Variants in STPG2 observed in about 807,000 individuals in gnomAD.
STPG2 encodes sperm tail PG-rich repeat containing 2, also known as sperm-tail PG-rich repeat-containing protein 2.
STPG2 carries 56 observed loss-of-function variants against 54.2 expected under a neutral mutation model. The ratio of observed to expected loss-of-function variants is 1.03; its 90% confidence interval spans 0.83 to 1.29. STPG2 has a LOEUF of 1.29. STPG2 is among the 50% of genes most tolerant of loss of function. The pLI, the probability that STPG2 is intolerant of heterozygous loss-of-function variation, is 0.00. For synonymous variants in STPG2, 200 were observed against 181.8 expected (o/e 1.10, Z -0.81); for missense variants, 596 against 544.9 (o/e 1.09, Z -0.93).
chr4:97,969,034 C>T (rs1450687483), intron 7 of STPG2, among the ~76,000 whole-genome samples: 1 of 152,104 alleles, frequency 6.6e-6, no homozygotes, highest in Non-Finnish European at 1.5e-5. Flanking sequence ...ATGAAGGGCG[C>T]CTGTTCATAT....
chr4:97,562,456 T>G (rs1162206192), intron 10 of STPG2, among the ~76,000 whole-genome samples: 3 of 152,190 alleles, frequency 2.0e-5, no homozygotes, highest in Admixed American at 2.0e-4. Context: ...CTAATTGCCC[T>G]GGCCAGAACT....
intron 6 of STPG2, among the ~76,000 whole-genome samples, chr4:97,980,155 A>G (rs1407190841): frequency 3.9e-5 from 6 of 152,154 alleles, no homozygotes; most frequent in African/African-American, 1.4e-4. Flanking sequence ...ACTGAACTCC[A>G]GCCTGGATGA....
intron 4 of STPG2, among the ~76,000 whole-genome samples, chr4:97,467,608 A>G (rs910599133): frequency 6.6e-6 from 1 of 152,002 alleles, no homozygotes; most frequent in Non-Finnish European, 1.5e-5. Flanking sequence ...AAAAGAAACC[A>G]GTCTGTTAAC....
Position 97,766,397 on chromosome 4 carries a change from G to T in STPG2, c.1205-53583C>A, listed in dbSNP as rs191235172. Among the ~76,000 whole-genome samples, 215 of 151,928 alleles carry T rather than the reference G, an allele frequency of 1.4e-3. 2 individuals are homozygous for T. The highest frequency in any genetic ancestry group is 2.6e-3 in the Admixed American group (40 of 15,262). ...ATTTAAACATTTAAAATAAAATAGGGTATAATAAATATAAAATTCCTTTTA... is the reference window on the plus strand; with the variant it reads ...ATTTAAACATTTAAAATAAAATAGGTTATAATAAATATAAAATTCCTTTTA... On this transcript the variant is annotated intron_variant, in intron 9 of 10. Transcript: ENST00000295268.
Position 98,106,065 on chromosome 4 carries a change from CT to C in STPG2, c.501-2del. ...ATTTTCATAATATGATGTCTTTTTC[CT>C]TCAGAAAATTCAAATAGAAATTAAG... On this transcript the variant is annotated splice_acceptor_variant, in intron 4 of 10. Coordinates refer to ENST00000295268, the MANE Select transcript of STPG2 (RefSeq NM_174952.3). LOFTEE classifies it high-confidence loss of function. 7.0e-7 allele frequency: 1 copy of C among 1,437,922 alleles called. No individual in the cohort carries two copies. Among genetic ancestry groups the C allele is most frequent in the Non-Finnish European group, 9.4e-7 (1 of 1,061,508 alleles). 89.1% of individuals were successfully genotyped at this position (1,437,922 alleles called of 1,614,324 possible). A position where few individuals can be genotyped will look rare whatever the true frequency, so the allele number is the denominator to read the frequency against.
rs1356316512 is a variant in STPG2, at chr4:97,787,524, T to C, written c.1204+53249A>G. 4.6e-5 allele frequency among the ~76,000 whole-genome samples: 7 copies of C among 152,168 alleles called. No homozygotes were observed. The East Asian group carries it at 1.4e-3, about 29-fold the overall frequency. Reference sequence around the variant, plus strand: ...CTTTTTATATTAAGCTAAATTCAACTTGATATTTTGTTAAAGATTTTGTGT... The same window carrying C: ...CTTTTTATATTAAGCTAAATTCAACCTGATATTTTGTTAAAGATTTTGTGT... On this transcript the variant is annotated intron_variant, in intron 9 of 10. Transcript: ENST00000295268.
chr4:97,975,104 G>A lies in STPG2; in HGVS notation c.773-2664C>T, dbSNP rs184810160. Among the ~76,000 whole-genome samples the A allele has an allele frequency of 2.9e-3, 445 of 152,230 alleles. 3 individuals carry two copies. Among genetic ancestry groups the A allele is most frequent in the African/African-American group, 9.8e-3 (408 of 41,542 alleles). ...ATTTAGAAAAGATAAAATCATAGCA[G>A]CAGAAACAGTTCCTAGGGCCAGAAG... On this transcript the variant is annotated intron_variant, in intron 6 of 10. Transcript: ENST00000295268.
At chr4:98,045,102 GAAAA>G (rs35130632) in intron 5 of STPG2, among the ~76,000 whole-genome samples, 1 of 144,302 alleles carries the variant, frequency 6.9e-6, no homozygotes, top group Non-Finnish European at 1.5e-5. Flanking sequence ...ACTTTAAAAG[GAAAA>G]AAAAAAAAGG....
chr4:97,933,001 C>G lies in STPG2; in HGVS notation c.1044+10896G>C, dbSNP rs541895378. Among the ~76,000 whole-genome samples, 21 of 152,324 alleles carry G rather than the reference C, an allele frequency of 1.4e-4. No individual in the cohort carries two copies. In the South Asian group the frequency reaches 4.3e-3, roughly 32 times the overall value. ...TCCCACCAACAGCATAAAAGTGTTC[C>G]TATTTCTCCACAGTCTTGCCAGCAT... On this transcript the variant is annotated intron_variant, in intron 8 of 10. Coordinates refer to ENST00000295268, the MANE Select transcript of STPG2 (RefSeq NM_174952.3).
intron 9 of STPG2, among the ~76,000 whole-genome samples, chr4:97,725,418 A>G (rs1724589506): frequency 6.6e-6 from 1 of 151,982 alleles, no homozygotes; most frequent in South Asian, 2.1e-4. Context: ...ACTGACCCTG[A>G]AGAAAAAAAA....
intron 10 of STPG2, among the ~76,000 whole-genome samples, chr4:97,594,998 G>A (rs927334180): frequency 6.6e-6 from 1 of 152,166 alleles, no homozygotes; most frequent in African/African-American, 2.4e-5. Flanking sequence ...TTACACTGTT[G>A]GTGGGACTGT....
At position 97,558,985 on chromosome 4, in the gene STPG2, A is replaced by G. The variant is rs1732149964; in HGVS notation, c.*73T>C. ...TTTATTACTCCTATATTTGGAATAAATTTTGTTAAAATGACAAAGAAATAA... is the reference window on the plus strand; with the variant it reads ...TTTATTACTCCTATATTTGGAATAAGTTTTGTTAAAATGACAAAGAAATAA... On this transcript the variant is annotated 3_prime_UTR_variant, in exon 11 of 11. Transcript: ENST00000295268. The G allele has an allele frequency of 7.9e-7, 1 of 1,269,138 alleles. No homozygotes were observed. Among genetic ancestry groups the G allele is most frequent in the Non-Finnish European group, 1.1e-6 (1 of 888,432 alleles). The allele number at this position is 1,269,138 out of a possible 1,614,324, so 78.6% of individuals were successfully genotyped here.
At chr4:97,636,839 G>A (rs2148940124) in intron 10 of STPG2, among the ~76,000 whole-genome samples, 1 of 151,936 alleles carries the variant, frequency 6.6e-6, no homozygotes, top group Middle Eastern at 3.4e-3. Flanking sequence ...CTGAAATTGT[G>A]GCAATAATCA....
chr4:97,716,321 C>CCAGCTG (rs1452497487), intron 9 of STPG2, among the ~76,000 whole-genome samples: 1 of 152,014 alleles, frequency 6.6e-6, no homozygotes, highest in Non-Finnish European at 1.5e-5. Context: ...CCAGAAATAC[C>CCAGCTG]ATTTGACCCA....
chr4:98,129,130 A>C (rs1323757199), intron 2 of STPG2, among the ~76,000 whole-genome samples: 1 of 152,200 alleles, frequency 6.6e-6, no homozygotes, highest in African/African-American at 2.4e-5. Context: ...TTAGAATAGA[A>C]TAGAATAGAT....
intron 9 of STPG2, among the ~76,000 whole-genome samples, chr4:97,778,384 G>C (rs1200280027): frequency 6.6e-6 from 1 of 152,198 alleles, no homozygotes; most frequent in Non-Finnish European, 1.5e-5. Flanking sequence ...GCGAGGCTGG[G>C]GGAGGGGCGT....
rs141384981 is a variant in STPG2 at position 97,801,893 on chromosome 4, A to G, written c.1204+38880T>C. The stretch of plus-strand genomic sequence containing the variant: ...TTTCAAACTTTAATAAAGGATTGGC[A>G]TAACAGGAATTACAATGTAACGTTA... On this transcript the variant is annotated intron_variant, in intron 9 of 10. Transcript: ENST00000295268. Among the ~76,000 whole-genome samples, 16 of 152,294 alleles carry G rather than the reference A, an allele frequency of 1.1e-4. No homozygotes were observed. The East Asian group carries it at 2.9e-3, about 28-fold the overall frequency.
In STPG2 at chr4:97,675,898, C is replaced by CAT. The variant is rs541003489; in HGVS notation, c.1320+36799_1320+36800dup. On this transcript the variant is annotated intron_variant, in intron 10 of 10. Coordinates refer to ENST00000295268, the MANE Select transcript of STPG2 (RefSeq NM_174952.3). Reference sequence around the variant, plus strand: ...TGTATATACAGTATAGGTATATATACATATATATATAGTGTATATATATAC... The same window carrying CAT: ...TGTATATACAGTATAGGTATATATACATATATATATATAGTGTATATATATAC... Among the ~76,000 whole-genome samples, 597 of 144,160 alleles carry CAT rather than the reference C, an allele frequency of 4.1e-3. 1 individual carries two copies. The highest frequency in any genetic ancestry group is 0.02 in the South Asian group (95 of 4,638). The allele number at this position is 144,160 out of a possible 152,430, so 94.6% of individuals were successfully genotyped here. A position where few individuals can be genotyped will look rare whatever the true frequency, so the allele number is the denominator to read the frequency against.
intron 5 of STPG2, among the ~76,000 whole-genome samples, chr4:98,033,516 C>T (rs1450421343): frequency 6.6e-6 from 1 of 152,082 alleles, no homozygotes; most frequent in Admixed American, 6.6e-5. Context: ...CCAAATTCTA[C>T]CAAAGGTACA....
Sources: gnomAD v4.1 joint callset for allele counts (sites outside exome capture counted in the v4.1 genomes callset) on GRCh38, gnomAD v4.1.1 for gene constraint, MANE v1.5 for transcripts, NCBI Gene and HGNC (gene_info 2026-07-23, HGNC 2026-07-21) for gene names.